Variants in ADAM18 observed in about 807,000 individuals in gnomAD.
ADAM18 encodes ADAM metallopeptidase domain 18.
Under a neutral mutation model 94.4 loss-of-function variants are expected in ADAM18, and 117 were observed. The observed-to-expected ratio is 1.24, with a 90% CI of 1.07 to 1.45. The LOEUF is 1.45. ADAM18 is among the 40% of genes most tolerant of loss of function. The probability of loss-of-function intolerance (pLI) is 0.00; values close to 1 mark genes in which losing one functional copy is unlikely to be tolerated. For missense variants in ADAM18, 936 were observed against 880.0 expected, an observed-to-expected ratio of 1.06 and a Z score of -0.81; for synonymous variants, 327 against 291.6, an observed-to-expected ratio of 1.12 and a Z score of -1.24.
intron 2 of ADAM18, among the ~76,000 whole-genome samples, chr8:39,605,009 A>G (rs1413998499): frequency 6.6e-6 from 1 of 152,148 alleles, no homozygotes; most frequent in Non-Finnish European, 1.5e-5. Context: ...GGGAGAATGC[A>G]TTGGATTTAA....
At chr8:39,608,211 A>G (rs1049585547) in intron 3 of ADAM18, among the ~76,000 whole-genome samples, 4 of 152,054 alleles carry the variant, frequency 2.6e-5, no homozygotes, top group Non-Finnish European at 2.9e-5. Context: ...CCTACAAAAT[A>G]TATCCAGAAT....
chr8:39,654,527 G>T (rs898822734), intron 12 of ADAM18, among the ~76,000 whole-genome samples: 1 of 152,130 alleles, frequency 6.6e-6, no homozygotes, highest in African/African-American at 2.4e-5. Context: ...TATCTTTTGA[G>T]TATACTAATT....
chr8:39,636,022 T>A (rs1240613070), intron 7 of ADAM18, among the ~76,000 whole-genome samples: 2 of 144,764 alleles, frequency 1.4e-5, no homozygotes, highest in East Asian at 4.0e-4. Flanking sequence ...TTTTTTTTTT[T>A]GAGAGAGAGA....
intron 17 of ADAM18, among the ~76,000 whole-genome samples, chr8:39,701,374 G>A (rs117398966): frequency 0.028 from 4,237 of 151,388 alleles, 78 homozygotes; most frequent in Non-Finnish European, 0.041. Flanking sequence ...TAATCTCTGC[G>A]TTTTATTAAG....
chr8:39,643,523 A>C (rs7009101), intron 10 of ADAM18, among the ~76,000 whole-genome samples: 4,045 of 152,222 alleles, frequency 0.027, 188 homozygotes, highest in African/African-American at 0.09. Context: ...CAGGGCTGCC[A>C]TAACAAAATA....
Position 39,729,872 on chromosome 8 carries a change from A to AT in ADAM18, c.2178-20dup, listed in dbSNP as rs760143080. On this transcript the variant is annotated intron_variant, in intron 19 of 19. Coordinates refer to ENST00000265707, the MANE Select transcript of ADAM18 (RefSeq NM_014237.3). Reference sequence around the variant, plus strand: ...ACTACTAAACATATTGTGAATTTCTATTTTTTCTGTTTTTCTTCACTATAG... The same window carrying AT: ...ACTACTAAACATATTGTGAATTTCTATTTTTTTCTGTTTTTCTTCACTATAG... 239 of 1,604,838 alleles carry AT rather than the reference A, an allele frequency of 1.5e-4. 1 individual carries two copies. The East Asian group carries it at 5.1e-3, about 34-fold the overall frequency.
intron 10 of ADAM18, among the ~76,000 whole-genome samples, chr8:39,642,047 C>G (rs1311075316): frequency 1.3e-5 from 2 of 152,120 alleles, no homozygotes; most frequent in African/African-American, 2.4e-5. Flanking sequence ...TTGTTGGCCA[C>G]ATGTATTTCT....
At chr8:39,709,293 G>C (rs1320788847) in intron 18 of ADAM18, among the ~76,000 whole-genome samples, 1 of 152,196 alleles carries the variant, frequency 6.6e-6, no homozygotes, top group East Asian at 1.9e-4. Context: ...CCATCAAGCT[G>C]TCCTTCTGAA....
At chr8:39,596,051 T>G (rs936364659) in intron 2 of ADAM18, among the ~76,000 whole-genome samples, 1 of 152,166 alleles carries the variant, frequency 6.6e-6, no homozygotes, top group Non-Finnish European at 1.5e-5. Context: ...TGTGTGGTGT[T>G]TTTTTAGAGC....
intron 6 of ADAM18, among the ~76,000 whole-genome samples, chr8:39,612,153 G>C (rs1470989665): frequency 6.6e-6 from 1 of 151,910 alleles, no homozygotes; most frequent in East Asian, 1.9e-4. Context: ...AGGGAGGGAG[G>C]AGAGCAAAGA....
chr8:39,585,149 G>A (rs1818360885), intron 1 of ADAM18, 127 bp from the exon 2 acceptor site: 1 of 652,052 alleles, frequency 1.5e-6, no homozygotes, highest in Non-Finnish European at 2.7e-6. Context: ...AAGAGTGTGA[G>A]CACATGAGAG....
intron 2 of ADAM18, among the ~76,000 whole-genome samples, chr8:39,596,906 T>A (rs13258794): frequency 0.25 from 38,139 of 152,110 alleles, 5,078 homozygotes; most frequent in East Asian, 0.48. Flanking sequence ...AATTTGCAAT[T>A]CCTTAATAAT....
intron 2 of ADAM18, among the ~76,000 whole-genome samples, chr8:39,604,931 A>T (rs1204917645): frequency 6.6e-6 from 1 of 152,008 alleles, no homozygotes; most frequent in Admixed American, 6.6e-5. Flanking sequence ...ATAGATTTTT[A>T]TTGTGGACTT....
chr8:39,722,217 G>GTGTGTATATA (rs1822777714), intron 18 of ADAM18, among the ~76,000 whole-genome samples: 2 of 91,582 alleles, frequency 2.2e-5, no homozygotes, highest in Non-Finnish European at 3.9e-5. Flanking sequence ...GTGTGTGTGT[G>GTGTGTATATA]TATATATATA....
chr8:39,710,876 AG>A (rs932767741), intron 18 of ADAM18, among the ~76,000 whole-genome samples: 57 of 152,336 alleles, frequency 3.7e-4, no homozygotes, highest in African/African-American at 1.3e-3. Context: ...TGGAAAATTT[AG>A]AATGCCATAT....
At chr8:39,620,634 A>G (rs1203653419) in intron 6 of ADAM18, among the ~76,000 whole-genome samples, 1 of 145,436 alleles carries the variant, frequency 6.9e-6, no homozygotes, top group Non-Finnish European at 1.5e-5. Flanking sequence ...TATATATAAC[A>G]TATATTTATA....
intron 14 of ADAM18, among the ~76,000 whole-genome samples, chr8:39,674,052 C>T (rs565822973): frequency 2.0e-5 from 3 of 152,080 alleles, no homozygotes; most frequent in Non-Finnish European, 4.4e-5. Flanking sequence ...ATTTTGTGGT[C>T]AATTTTAGAA....
chr8:39,628,141 C>T (rs1698102717), intron 6 of ADAM18, among the ~76,000 whole-genome samples: 1 of 151,650 alleles, frequency 6.6e-6, no homozygotes, highest in Non-Finnish European at 1.5e-5. Flanking sequence ...TTTAGTGCCC[C>T]CTTTTCTCAC....
At chr8:39,598,152 T>A (rs1347753490) in intron 2 of ADAM18, among the ~76,000 whole-genome samples, 1 of 152,186 alleles carries the variant, frequency 6.6e-6, no homozygotes, top group Non-Finnish European at 1.5e-5. Flanking sequence ...TGTTTTTTGG[T>A]TCCAGAAGGT....
Sources: allele counts gnomAD v4.1 joint callset (sites outside exome capture counted in the v4.1 genomes callset), GRCh38; gene constraint gnomAD v4.1.1; transcripts MANE v1.5; gene names NCBI Gene and HGNC (gene_info 2026-07-23, HGNC 2026-07-21).